TTLL1: variants seen among roughly 807,000 people sequenced by gnomAD.
TTLL1 encodes the protein polyglutamylase complex subunit TTLL1.
In TTLL1, 33 loss-of-function variants were observed where a neutral mutation model predicts 47.8. That is an observed-to-expected ratio of 0.69 (90% CI 0.52 to 0.92). The LOEUF (loss-of-function observed/expected upper bound fraction) is 0.92. Among genes scored for constraint, TTLL1 ranks in the 40% least tolerant of loss-of-function variants. TTLL1 has a pLI of 0.00. For synonymous variants in TTLL1, 225 were observed against 214.1 expected, an observed-to-expected ratio of 1.05 and a Z score of -0.45; for missense variants, 488 against 547.5, an observed-to-expected ratio of 0.89 and a Z score of 1.08.
chr22:43,074,472 A>G (rs1202701094), intron 3 of TTLL1, among the ~76,000 whole-genome samples: 1 of 151,128 alleles, frequency 6.6e-6, no homozygotes, highest in Non-Finnish European at 1.5e-5. Flanking sequence ...AAAAAAATAT[A>G]TGTATCAATT....
intron 1 of TTLL1, among the ~76,000 whole-genome samples, chr22:43,088,323 T>TC (rs1929375312): frequency 2.9e-5 from 3 of 102,266 alleles, no homozygotes; most frequent in African/African-American, 1.1e-4. Context: ...GAAGGGCCCA[T>TC]CTTTTTTTTT....
chr22:43,068,532 G>C lies in TTLL1; in HGVS notation c.381C>G (p.Phe127Leu). ...PADYNLFVEEFRKSPSSTWIM... is the reference protein window; with the variant it reads ...PADYNLFVEELRKSPSSTWIM... ...TCCAGGTGCTGGACGGGCTCTTCCG[G>C]AACTCCTCTACAAACAGGTTGTAGT... Residue 127 changes from phenylalanine (F) to leucine (L), a missense_variant, in exon 5 of 11, where the codon TTC becomes TTG. Physicochemically the swap from Phe to Leu is conservative, Grantham distance 22. Transcript: ENST00000266254. 1 of 1,567,848 alleles carries C rather than the reference G, an allele frequency of 6.4e-7. No homozygotes were observed. Among genetic ancestry groups the C allele is most frequent in the South Asian group, 1.2e-5 (1 of 86,076 alleles).
intron 3 of TTLL1, among the ~76,000 whole-genome samples, chr22:43,070,678 G>A (rs749350422): frequency 3.9e-5 from 6 of 152,076 alleles, no homozygotes; most frequent in East Asian, 1.9e-4. Context: ...GAGAGAAAGC[G>A]TTAAGGGACC....
chr22:43,087,126 C>T (rs1322334127), intron 1 of TTLL1, among the ~76,000 whole-genome samples: 1 of 152,188 alleles, frequency 6.6e-6, no homozygotes, highest in African/African-American at 2.4e-5. Flanking sequence ...GAGTGGCTTT[C>T]CCCAACCACT....
At chr22:43,072,840 T>C (rs967882417) in intron 3 of TTLL1, among the ~76,000 whole-genome samples, 4 of 152,138 alleles carry the variant, frequency 2.6e-5, no homozygotes, top group African/African-American at 9.7e-5. Context: ...CTCAAACTCC[T>C]CGCAAGGTGC....
At chr22:43,046,720 A>G (rs2146960158) in intron 9 of TTLL1, 147 bp from the exon 10 acceptor site, 2 of 920,836 alleles carry the variant, frequency 2.2e-6, no homozygotes, top group South Asian at 1.8e-5. Context: ...CCCAGGCTGG[A>G]GTGCAGTGGC....
intron 7 of TTLL1, among the ~76,000 whole-genome samples, chr22:43,061,405 G>A (rs1259675454): frequency 6.6e-6 from 1 of 152,144 alleles, no homozygotes; most frequent in Non-Finnish European, 1.5e-5. Flanking sequence ...GAGGGCTGGT[G>A]AGCTGCCCAA....
Position 43,059,477 on chromosome 22 carries a change from C to T in TTLL1, c.798G>A (p.Arg266=). 1 of 1,613,946 alleles carries T rather than the reference C, an allele frequency of 6.2e-7. No individual in the cohort carries two copies. Among genetic ancestry groups the T allele is most frequent in the South Asian group, 1.1e-5 (1 of 91,062 alleles). ...HGGKWTVSNL[R]LYLESTRGKE... ...TGCCGCGGGTGCTCTCCAGGTAGAG[C>T]CGCAGGTTACTCACTGTCCACTTGC... is the stretch of plus-strand genomic sequence containing the variant. Residue 266 remains arginine, a synonymous_variant, in exon 8 of 11, where the codon CGG becomes CGA. Coordinates refer to ENST00000266254, the MANE Select transcript of TTLL1 (RefSeq NM_012263.5).
chr22:43,074,415 G>A (rs1383954509), intron 3 of TTLL1, among the ~76,000 whole-genome samples: 3 of 106,164 alleles, frequency 2.8e-5, no homozygotes, highest in Non-Finnish European at 5.4e-5. Flanking sequence ...TGACAGGAGC[G>A]AAATTTCGTC....
chr22:43,083,682 C>T (rs1446136930), intron 1 of TTLL1, among the ~76,000 whole-genome samples: 2 of 151,860 alleles, frequency 1.3e-5, no homozygotes, highest in Admixed American at 6.6e-5. Context: ...GAGCCAAGAT[C>T]GCACCATTGC....
chr22:43,053,431 GCCCAGATTACTGT>G (rs1054389507), intron 8 of TTLL1, among the ~76,000 whole-genome samples: 2 of 152,288 alleles, frequency 1.3e-5, no homozygotes, highest in African/African-American at 4.8e-5. Flanking sequence ...CCAGGCCAGT[GCCCAGATTACTGT>G]CCCAGAAAAT....
rs1301181135 is a variant in TTLL1, at chr22:43,075,509, G to A, written c.78C>T (p.Val26=). ...TCCAGTCCTCGTTTTCTGTCACTTG[G>A]ACCCATCCTCTCTTTTCAAAGTTAT... is the stretch of plus-strand genomic sequence containing the variant. The part of the protein sequence containing the change: ...LINNFEKRGW[V]QVTENEDWNF... The change falls in exon 3 of 11, where the codon GTC becomes GTT. Residue 26 remains valine (V), a synonymous_variant. Transcript: ENST00000266254. 6.2e-7 allele frequency: 1 copy of A among 1,614,050 alleles called. No individual in the cohort carries two copies. Among genetic ancestry groups the A allele is most frequent in the Middle Eastern group, 1.6e-4 (1 of 6,062 alleles).
intron 3 of TTLL1, among the ~76,000 whole-genome samples, chr22:43,073,343 A>G (rs1348572454): frequency 7.1e-6 from 1 of 141,694 alleles, no homozygotes; most frequent in Non-Finnish European, 1.5e-5. Flanking sequence ...TTATTTATTT[A>G]TTTATTTATT....
intron 10 of TTLL1, among the ~76,000 whole-genome samples, chr22:43,044,456 C>T (rs1323955986): frequency 6.6e-6 from 1 of 152,230 alleles, no homozygotes; most frequent in African/African-American, 2.4e-5. Context: ...AGTCCTCCCA[C>T]CAGCAGCGCC....
At chr22:43,044,490 C>T (rs567741475) in intron 10 of TTLL1, among the ~76,000 whole-genome samples, 13 of 152,100 alleles carry the variant, frequency 8.5e-5, no homozygotes, top group Non-Finnish European at 1.9e-4. Context: ...CCTGACGTCT[C>T]TGTGTGTGTG....
intron 1 of TTLL1, among the ~76,000 whole-genome samples, chr22:43,089,053 G>A (rs942441186): frequency 4.6e-5 from 7 of 152,188 alleles, no homozygotes; most frequent in African/African-American, 1.7e-4. Context: ...TGCAACAGTC[G>A]GACAGCACGA....
At chr22:43,070,156 AAATAAAAGATATACCCTTTTCAGACTCTG>A (rs1928019464) in intron 3 of TTLL1, 2 of 1,411,454 alleles carry the variant, frequency 1.4e-6, no homozygotes, top group East Asian at 3.5e-5. Flanking sequence ...CACTGTCAAC[AAATAAAAGATATACCCTTTTCAGACTCTG>A]AAGTCAGGAA....
chr22:43,064,753 TA>T (rs1442511859), intron 5 of TTLL1, among the ~76,000 whole-genome samples: 1 of 150,798 alleles, frequency 6.6e-6, no homozygotes, highest in Non-Finnish European at 1.5e-5. Flanking sequence ...AATAAATAAA[TA>T]AAGACAGTAA....
chr22:43,068,743 C>T (rs1927914202), intron 4 of TTLL1, among the ~76,000 whole-genome samples, 153 bp from the exon 5 acceptor site: 2 of 152,160 alleles, frequency 1.3e-5, no homozygotes, highest in Non-Finnish European at 2.9e-5. Context: ...GCTGCACAAT[C>T]CCTGGGCAAC....
Sources: gnomAD v4.1 joint callset for allele counts (sites outside exome capture counted in the v4.1 genomes callset) on GRCh38, gnomAD v4.1.1 for gene constraint, MANE v1.5 for transcripts, NCBI Gene and HGNC (gene_info 2026-07-23, HGNC 2026-07-21) for gene names.